RASSF6: variants seen among roughly 807,000 people sequenced by gnomAD.
The protein encoded by RASSF6 is Ras association domain family member 6.
In RASSF6, 52 loss-of-function variants were observed where a neutral mutation model predicts 44.0. The ratio of observed to expected loss-of-function variants is 1.18; its 90% CI spans 0.95 to 1.49. The LOEUF (loss-of-function observed/expected upper bound fraction) is 1.49, where lower values mean the gene tolerates loss of function less well. RASSF6 is among the 40% of genes most tolerant of loss of function. The pLI is 0.00. For synonymous variants in RASSF6, 162 were observed against 124.6 expected, an observed-to-expected ratio of 1.30 and a Z score of -2.00; for missense variants, 464 against 393.3, an observed-to-expected ratio of 1.18 and a Z score of -1.52.
At chr4:73,613,411 C>A (rs1726154366) in intron 1 of RASSF6, among the ~76,000 whole-genome samples, 1 of 152,192 alleles carries the variant, frequency 6.6e-6, no homozygotes, top group Non-Finnish European at 1.5e-5. Context: ...CTTGGTTATA[C>A]AGGTTACACA....
At chr4:73,611,909 T>C (rs1473840185) in intron 1 of RASSF6, 80 bp from the exon 2 acceptor site, 3 of 990,712 alleles carry the variant, frequency 3.0e-6, no homozygotes, top group South Asian at 2.8e-5. Context: ...GAGTGTTTTG[T>C]TGTGTCTCTA....
chr4:73,591,958 G>C (rs1724591373), intron 4 of RASSF6, among the ~76,000 whole-genome samples: 1 of 151,448 alleles, frequency 6.6e-6, no homozygotes, highest in Non-Finnish European at 1.5e-5. Context: ...ACAATTGACT[G>C]CATGTGTGTC....
chr4:73,618,418 T>C (rs1726507944), intron 1 of RASSF6, among the ~76,000 whole-genome samples: 1 of 152,084 alleles, frequency 6.6e-6, no homozygotes, highest in African/African-American at 2.4e-5. Flanking sequence ...TTATCTCAAT[T>C]GGGGCTACTA....
intron 5 of RASSF6, among the ~76,000 whole-genome samples, chr4:73,585,979 C>G (rs1044115870): frequency 1.0e-4 from 9 of 87,282 alleles, no homozygotes; most frequent in African/African-American, 4.0e-4. Context: ...GCTATCCCTC[C>G]CCCCTCCCCC....
chr4:73,573,031 C>G lies in RASSF6; in HGVS notation c.*3204G>C, dbSNP rs1346419414. On this transcript the variant is annotated 3_prime_UTR_variant, in exon 11 of 11. Coordinates refer to ENST00000307439, the MANE Select transcript of RASSF6 (RefSeq NM_177532.5). ...TTTGGAACATGTGTATGTGTATATTCTTATTTAGATATATAAGAATTTACC... is the reference window on the plus strand; with the variant it reads ...TTTGGAACATGTGTATGTGTATATTGTTATTTAGATATATAAGAATTTACC... 6.6e-6 allele frequency: 1 copy of G among 151,452 alleles called. No individual in the cohort carries two copies. Among genetic ancestry groups the G allele is most frequent in the Non-Finnish European group, 1.5e-5 (1 of 67,910 alleles). 9.4% of individuals were successfully genotyped at this position (151,452 alleles called of 1,614,324 possible). A position where few individuals can be genotyped will look rare whatever the true frequency, so the allele number is the denominator to read the frequency against.
Position 73,593,540 on chromosome 4 carries a change from T to A in RASSF6, c.198A>T (p.Val66=). The change falls in exon 4 of 11, where the codon GTA becomes GTT. Residue 66 remains valine, a synonymous_variant. Transcript: ENST00000307439. ...VEGMLDIFWG[V]KRPIQLKIQD... is the part of the protein sequence containing the mutation. ...GTATTTTTAGCTGTATAGGTCGTTT[T>A]ACTCCCCAGAAAATGTCCAGCATTC... 6.2e-7 allele frequency: 1 copy of A among 1,613,924 alleles called. No individual in the cohort carries two copies.
intron 3 of RASSF6, among the ~76,000 whole-genome samples, chr4:73,595,041 T>C (rs1345785609): frequency 1.3e-5 from 2 of 152,220 alleles, no homozygotes; most frequent in African/African-American, 4.8e-5. Flanking sequence ...CTGCCCCTTT[T>C]AAACAGTGTC....
chr4:73,598,675 C>T lies in RASSF6; in HGVS notation c.109G>A (p.Glu37Lys), dbSNP rs149169434. Reference protein sequence around the residue: ...SLLKTYNIFYENQKNLHILYG... With the variant: ...SLLKTYNIFYKNQKNLHILYG... ...AAAATATGCAGATTTTTCTGGTTCT[C>T]ATAAAAAATGTTATAGGTCTTCAAT... The change falls in exon 3 of 11, where the codon GAG becomes AAG. Residue 37 changes from glutamate (E) to lysine (K), a missense_variant. Physicochemically the swap from Glu to Lys is moderately conservative, Grantham distance 56. Coordinates refer to ENST00000307439, the MANE Select transcript of RASSF6 (RefSeq NM_177532.5). The T allele has an allele frequency of 1.3e-5, 20 of 1,531,920 alleles. No homozygotes were observed. The highest frequency in any genetic ancestry group is 2.0e-5 in the Admixed American group (1 of 49,264). The allele number at this position is 1,531,920 out of a possible 1,614,324, so 94.9% of individuals were successfully genotyped here.
At chr4:73,592,730 A>ACG (rs1560449087) in intron 4 of RASSF6, among the ~76,000 whole-genome samples, 1 of 152,210 alleles carries the variant, frequency 6.6e-6, no homozygotes, top group African/African-American at 2.4e-5. Flanking sequence ...TAGAAAGCAC[A>ACG]ATGAGCCCTT....
At chr4:73,597,285 C>A (rs1453059436) in intron 3 of RASSF6, among the ~76,000 whole-genome samples, 8 of 151,906 alleles carry the variant, frequency 5.3e-5, no homozygotes, top group Admixed American at 5.3e-4. Context: ...AGGGAAAAAA[C>A]CAAACAACCC....
chr4:73,597,127 C>A (rs1724986571), intron 3 of RASSF6, among the ~76,000 whole-genome samples: 1 of 152,112 alleles, frequency 6.6e-6, no homozygotes, highest in Non-Finnish European at 1.5e-5. Context: ...CAAATGGGAT[C>A]TAATTAAACT....
chr4:73,619,459 T>C (rs1560466264), intron 1 of RASSF6, among the ~76,000 whole-genome samples: 1 of 152,190 alleles, frequency 6.6e-6, no homozygotes, highest in Non-Finnish European at 1.5e-5. Context: ...GTCTCCCTAG[T>C]TCAGCTTGCC....
intron 4 of RASSF6, among the ~76,000 whole-genome samples, chr4:73,590,400 T>C (rs185466291): frequency 6.6e-6 from 1 of 152,216 alleles, no homozygotes; most frequent in South Asian, 2.1e-4. Flanking sequence ...TCTGTCATCC[T>C]GCAAGAGCAG....
Position 73,585,177 on chromosome 4 carries a change from T to C in RASSF6, c.567+3A>G, listed in dbSNP as rs1398903615. On this transcript the variant is annotated splice_donor_region_variant and intron_variant, in intron 6 of 10. Coordinates refer to ENST00000307439, the MANE Select transcript of RASSF6 (RefSeq NM_177532.5). ...TACATTAATGGAATTGTAACTCACT[T>C]ACTTCATGGTTATAGAAGTGTCCAT... 1.9e-6 allele frequency: 3 copies of C among 1,576,786 alleles called. No individual in the cohort carries two copies. The highest frequency in any genetic ancestry group is 2.7e-5 in the African/African-American group (2 of 72,824).
At chr4:73,578,612 A>C (rs1723398697) in intron 8 of RASSF6, among the ~76,000 whole-genome samples, 1 of 149,746 alleles carries the variant, frequency 6.7e-6, no homozygotes, top group Non-Finnish European at 1.5e-5. Context: ...TTTATTGTAC[A>C]CACCTTTAAA....
chr4:73,598,592 A>T (rs367933749), intron 3 of RASSF6, 48 bp downstream of exon 3: 4 of 871,476 alleles, frequency 4.6e-6, no homozygotes, highest in Non-Finnish European at 7.4e-6. Flanking sequence ...GTGTGCACGC[A>T]TGTGTGTGTG....
chr4:73,593,850 T>A (rs79914686), intron 3 of RASSF6, among the ~76,000 whole-genome samples: 3 of 152,246 alleles, frequency 2.0e-5, no homozygotes, highest in Non-Finnish European at 4.4e-5. Flanking sequence ...GGGCACAGTA[T>A]GTCAAAATGC....
At position 73,587,853 on chromosome 4, in the gene RASSF6, C is replaced by T. The variant is rs573979075; in HGVS notation, c.369G>A (p.Arg123=). 6.2e-7 allele frequency: 1 copy of T among 1,606,986 alleles called. No individual in the cohort carries two copies. The highest frequency in any genetic ancestry group is 8.5e-7 in the Non-Finnish European group (1 of 1,174,792). ...DRTQIPMSEK[R]NSQEDYLSYH... is the part of the protein sequence containing the mutation. ...TTTGATACTGACCTTCCTGGGAATTCCTTTTTTCAGACATAGGAATCTGGG... is the reference window on the plus strand; with the variant it reads ...TTTGATACTGACCTTCCTGGGAATTTCTTTTTTCAGACATAGGAATCTGGG... Residue 123 remains arginine, a synonymous_variant, in exon 5 of 11, where the codon AGG becomes AGA. Transcript: ENST00000307439.
intron 3 of RASSF6, among the ~76,000 whole-genome samples, chr4:73,597,939 G>A (rs1725043180): frequency 6.6e-6 from 1 of 152,138 alleles, no homozygotes; most frequent in African/African-American, 2.4e-5. Context: ...CACATAGAGG[G>A]GAACCACAGA....
Sources: allele counts gnomAD v4.1 joint callset (sites outside exome capture counted in the v4.1 genomes callset), GRCh38; gene constraint gnomAD v4.1.1; transcripts MANE v1.5; gene names NCBI Gene and HGNC (gene_info 2026-07-23, HGNC 2026-07-21).